NEGR1: variants seen among roughly 807,000 people sequenced by gnomAD.
The protein encoded by NEGR1 is neuronal growth regulator 1.
Under a neutral mutation model 40.9 loss-of-function variants are expected in NEGR1, and 10 were observed. That is an observed-to-expected ratio of 0.24 (90% CI 0.15 to 0.42). The LOEUF is 0.42. Among genes scored for constraint, NEGR1 ranks in the 10% least tolerant of loss-of-function variants. The pLI is 1.00. For missense variants in NEGR1, 352 were observed against 438.9 expected, an observed-to-expected ratio of 0.80 and a Z score of 1.77; for synonymous variants, 185 against 166.8, an observed-to-expected ratio of 1.11 and a Z score of -0.84.
chr1:71,587,645 TACAC>T (rs1016907129), intron 6 of NEGR1, among the ~76,000 whole-genome samples: 4 of 86,326 alleles, frequency 4.6e-5, no homozygotes, highest in Admixed American at 4.5e-4. Flanking sequence ...CATACACGAG[TACAC>T]ACACACACAC....
intron 4 of NEGR1, among the ~76,000 whole-genome samples, chr1:71,631,197 T>C (rs1393140750): frequency 7.9e-5 from 12 of 151,866 alleles, no homozygotes; most frequent in Non-Finnish European, 2.9e-5. Flanking sequence ...TTTCCACAGC[T>C]AATTTCATTA....
intron 4 of NEGR1, among the ~76,000 whole-genome samples, chr1:71,688,905 T>A (rs1248480420): frequency 1.3e-5 from 2 of 152,186 alleles, no homozygotes; most frequent in South Asian, 2.1e-4. Flanking sequence ...CCAGTTTTTT[T>A]ATATAGGAAA....
At chr1:71,838,270 G>T (rs893607158) in intron 2 of NEGR1, among the ~76,000 whole-genome samples, 6 of 152,208 alleles carry the variant, frequency 3.9e-5, no homozygotes, top group East Asian at 3.9e-4. Context: ...GCACTGCTCT[G>T]CCACATGGCT....
intron 1 of NEGR1, among the ~76,000 whole-genome samples, chr1:72,125,181 CGT>C (rs1649963616): frequency 3.3e-5 from 5 of 151,858 alleles, no homozygotes; most frequent in South Asian, 2.1e-4. Flanking sequence ...ATTCAAAGTT[CGT>C]ATCTATCTAA....
At chr1:71,616,792 C>A (rs1570110751) in intron 4 of NEGR1, among the ~76,000 whole-genome samples, 4 of 152,270 alleles carry the variant, frequency 2.6e-5, no homozygotes, top group Admixed American at 2.6e-4. Context: ...TGAGTAAAAA[C>A]CAAACATCAC....
intron 2 of NEGR1, among the ~76,000 whole-genome samples, chr1:71,888,129 G>C (rs1256861526): frequency 6.6e-6 from 1 of 152,016 alleles, no homozygotes; most frequent in East Asian, 1.9e-4. Context: ...GTAGAGGTTA[G>C]ATGACTCTAT....
intron 1 of NEGR1, among the ~76,000 whole-genome samples, chr1:72,260,539 C>T (rs1301000075): frequency 6.6e-6 from 1 of 151,876 alleles, no homozygotes; most frequent in Non-Finnish European, 1.5e-5. Context: ...GCACTTTGTC[C>T]GAAAGGTGGT....
At chr1:71,662,982 G>C (rs1218318778) in intron 4 of NEGR1, among the ~76,000 whole-genome samples, 1 of 151,106 alleles carries the variant, frequency 6.6e-6, no homozygotes, top group Non-Finnish European at 1.5e-5. Flanking sequence ...TTTGAGACGG[G>C]GTCTCGTTCT....
chr1:72,070,021 T>C (rs1647396330), intron 1 of NEGR1, among the ~76,000 whole-genome samples: 1 of 152,118 alleles, frequency 6.6e-6, no homozygotes, highest in African/African-American at 2.4e-5. Context: ...ATGATTTATT[T>C]ATACCATAAT....
At chr1:71,554,370 T>C (rs2101472706) in intron 6 of NEGR1, among the ~76,000 whole-genome samples, 1 of 151,572 alleles carries the variant, frequency 6.6e-6, no homozygotes, top group East Asian at 2.0e-4. Flanking sequence ...AGTGTAAAAA[T>C]CAAACAATGG....
At chr1:71,879,135 A>C (rs1570460440) in intron 2 of NEGR1, among the ~76,000 whole-genome samples, 1 of 64,020 alleles carries the variant, frequency 1.6e-5, no homozygotes, top group Admixed American at 1.5e-4. Flanking sequence ...CTCTGTCTCG[A>C]AAAAAAAAAA....
At chr1:71,734,289 A>AGT (rs1234690592) in intron 3 of NEGR1, among the ~76,000 whole-genome samples, 13 of 152,176 alleles carry the variant, frequency 8.5e-5, no homozygotes, top group African/African-American at 3.1e-4. Context: ...TTCAAATTCT[A>AGT]TCTTTATCCC....
chr1:71,466,591 C>T (rs780766771), intron 6 of NEGR1, among the ~76,000 whole-genome samples: 3 of 151,896 alleles, frequency 2.0e-5, no homozygotes, highest in African/African-American at 4.8e-5. Flanking sequence ...GAGTAGGCCT[C>T]GTTGAGAAGT....
chr1:71,718,971 A>C (rs762843098), intron 3 of NEGR1, among the ~76,000 whole-genome samples: 1 of 152,208 alleles, frequency 6.6e-6, no homozygotes, highest in Non-Finnish European at 1.5e-5. Context: ...TGTTGTGAGC[A>C]AAAAAAGTAT....
chr1:71,862,931 TA>T (rs1659995348), intron 2 of NEGR1, among the ~76,000 whole-genome samples: 1 of 152,062 alleles, frequency 6.6e-6, no homozygotes, highest in Non-Finnish European at 1.5e-5. Context: ...TGCTGATTAT[TA>T]AAAAGTCAAG....
rs535375669 is a variant in NEGR1, at chr1:71,750,054, C to T, written c.535+26118G>A. Among the ~76,000 whole-genome samples, 87 of 148,150 alleles carry T rather than the reference C, an allele frequency of 5.9e-4. 1 individual carries two copies. The South Asian group carries it at 0.017, about 29-fold the overall frequency. Reference sequence around the variant, plus strand: ...CAGGCCGGACTGCGGACTGCAGTGGCGCAATCTCGGCTCACTGCAAGCTCC... The same window carrying T: ...CAGGCCGGACTGCGGACTGCAGTGGTGCAATCTCGGCTCACTGCAAGCTCC... On this transcript the variant is annotated intron_variant, in intron 3 of 6. Coordinates refer to ENST00000357731, the MANE Select transcript of NEGR1 (RefSeq NM_173808.3).
intron 1 of NEGR1, among the ~76,000 whole-genome samples, chr1:71,984,606 T>C (rs1293925098): frequency 6.6e-6 from 1 of 152,220 alleles, no homozygotes; most frequent in Non-Finnish European, 1.5e-5. Flanking sequence ...CTCACTCTCA[T>C]TGAATCATGT....
intron 6 of NEGR1, among the ~76,000 whole-genome samples, chr1:71,455,706 C>T (rs899096753): frequency 3.3e-5 from 5 of 152,078 alleles, no homozygotes; most frequent in African/African-American, 1.2e-4. Flanking sequence ...GCCTGGCCAT[C>T]GAGCAAGACT....
At chr1:72,012,361 A>T (rs1646664436) in intron 1 of NEGR1, among the ~76,000 whole-genome samples, 1 of 151,906 alleles carries the variant, frequency 6.6e-6, no homozygotes, top group Non-Finnish European at 1.5e-5. Flanking sequence ...GGGTTAACAC[A>T]CTCTGTGTTC....
Sources: allele counts gnomAD v4.1 joint callset (sites outside exome capture counted in the v4.1 genomes callset), GRCh38; gene constraint gnomAD v4.1.1; transcripts MANE v1.5; gene names NCBI Gene and HGNC (gene_info 2026-07-23, HGNC 2026-07-21).